Variants in SLC12A6 observed in about 807,000 individuals in gnomAD.
The protein encoded by SLC12A6 is K-Cl cotransporter 3.
Under a neutral mutation model 135.3 loss-of-function variants are expected in SLC12A6, and 66 were observed. The ratio of observed to expected loss-of-function variants is 0.49; its 90% CI spans 0.40 to 0.60. The LOEUF (loss-of-function observed/expected upper bound fraction) is 0.60, where lower values mean the gene tolerates loss of function less well. Ranked by LOEUF, SLC12A6 falls within the 20% of genes least tolerant of loss-of-function variation. The probability of loss-of-function intolerance (pLI) is 0.00; values close to 1 mark genes in which losing one functional copy is unlikely to be tolerated. For synonymous variants in SLC12A6, 513 were observed against 508.8 expected (o/e 1.01, Z -0.11); for missense variants, 1,058 against 1,452.3 (o/e 0.73, Z 4.41).
chr15:34,315,963 AC>A (rs201979476), intron 2 of SLC12A6, among the ~76,000 whole-genome samples: 2 of 152,108 alleles, frequency 1.3e-5, no homozygotes, highest in Non-Finnish European at 2.9e-5. Context: ...AACAAAAAAA[AC>A]AACAATTCAT....
At chr15:34,326,858 CTTTTTTTTTTTTTTTT>C (rs397963192) in intron 2 of SLC12A6, among the ~76,000 whole-genome samples, 14,221 of 72,502 alleles carry the variant, frequency 0.2, 1,098 homozygotes, top group South Asian at 0.33. Context: ...CAACTGGCTG[CTTTTTTTTTTTTTTTT>C]TTTTTTTTTT....
chr15:34,230,072 C>G lies in SLC12A6; in HGVS notation c.*3809G>C. On this transcript the variant is annotated 3_prime_UTR_variant, in exon 26 of 26. Transcript: ENST00000354181. ...CAACAAAAAAACATAACTATGTAAA[C>G]AAGAGAATAACTGCTGCTAAATCAA... is the stretch of plus-strand genomic sequence containing the variant. The G allele has an allele frequency of 2.4e-6, 1 of 418,204 alleles. No individual in the cohort carries two copies. Among genetic ancestry groups the G allele is most frequent in the Non-Finnish European group, 4.2e-6 (1 of 236,456 alleles). 25.9% of individuals were successfully genotyped at this position (418,204 alleles called of 1,614,324 possible). A position where few individuals can be genotyped will look rare whatever the true frequency, so the allele number is the denominator to read the frequency against.
rs376921827 is a variant in SLC12A6, at chr15:34,336,514, C to A, written c.167G>T (p.Arg56Leu). 6.2e-7 allele frequency: 1 copy of A among 1,613,912 alleles called. No individual in the cohort carries two copies. Among genetic ancestry groups the A allele is most frequent in the Non-Finnish European group, 8.5e-7 (1 of 1,179,834 alleles). Residue 56 changes from arginine to leucine, a missense_variant, in exon 2 of 26, where the codon CGG becomes CTG. Coordinates refer to ENST00000354181, the MANE Select transcript of SLC12A6 (RefSeq NM_001365088.1). The stretch of plus-strand genomic sequence containing the variant: ...AGACATCTCACTCATAGGCTCACTC[C>A]GGCTTGTTTCAGGCACGCTTTCCCG... ...SSRESVPETSRSEPMSEMSGA... is the reference protein window; with the variant it reads ...SSRESVPETSLSEPMSEMSGA...
At chr15:34,276,064 T>C (rs1184083067) in intron 2 of SLC12A6, among the ~76,000 whole-genome samples, 1 of 152,130 alleles carries the variant, frequency 6.6e-6, no homozygotes, top group African/African-American at 2.4e-5. Context: ...GTAAATGTAA[T>C]TAATGCCACT....
rs776374992 is a variant in SLC12A6 at position 34,336,440 on chromosome 15, G to A, written c.241C>T (p.Arg81Trp). 1.2e-6 allele frequency: 2 copies of A among 1,613,644 alleles called. No individual in the cohort carries two copies. Among genetic ancestry groups the A allele is most frequent in the Non-Finnish European group, 1.7e-6 (2 of 1,179,696 alleles). The change falls in exon 2 of 26, where the codon CGG (arginine) becomes TGG (tryptophan). Residue 81 changes from arginine (R) to tryptophan (W), a missense_variant. Around this residue, in one of 6 missense-constraint regions of SLC12A6, gnomAD observed 176 missense variants for 168.9 expected, o/e 1.04. Coordinates refer to ENST00000354181, the MANE Select transcript of SLC12A6 (RefSeq NM_001365088.1). ...ATVALDPPSD[R>W]TSHPQDVIED... ...ATGACATCCTGGGGGTGAGAAGTCC[G>A]GTCACTGGGTGGATCCAGTGCAACA...
At chr15:34,292,727 C>T (rs1221985262) in intron 2 of SLC12A6, among the ~76,000 whole-genome samples, 1 of 150,316 alleles carries the variant, frequency 6.7e-6, no homozygotes, top group Non-Finnish European at 1.5e-5. Context: ...ATGGCAGACG[C>T]CCCTTGCCCC....
At chr15:34,238,802 G>T (rs530362031) in intron 20 of SLC12A6, 163 bp downstream of exon 20, 20 of 744,712 alleles carry the variant, frequency 2.7e-5, no homozygotes, top group Non-Finnish European at 4.9e-5. Flanking sequence ...GCTGAAGGGG[G>T]TAGGTAGAAT....
rs79393761 is a variant in SLC12A6, at chr15:34,258,561, C to A, written c.543+252G>T. On this transcript the variant is annotated intron_variant, in intron 5 of 25. Coordinates refer to ENST00000354181, the MANE Select transcript of SLC12A6 (RefSeq NM_001365088.1). ...TCTCTACTCTGCTTAATTTTTTGCTCGGGAATTTATCAACACTTAATATGT... is the reference window on the plus strand; with the variant it reads ...TCTCTACTCTGCTTAATTTTTTGCTAGGGAATTTATCAACACTTAATATGT... Among the ~76,000 whole-genome samples the A allele has an allele frequency of 0.027, 4,160 of 152,248 alleles. 191 individuals are homozygous for A. The highest frequency in any genetic ancestry group is 0.095 in the African/African-American group (3,954 of 41,538).
intron 13 of SLC12A6, among the ~76,000 whole-genome samples, chr15:34,248,402 T>G (rs1378190338): frequency 6.6e-6 from 1 of 152,148 alleles, no homozygotes; most frequent in Non-Finnish European, 1.5e-5. Context: ...AAGCACATGT[T>G]CAACTTTAGG....
chr15:34,318,430 A>C (rs1186672244), intron 2 of SLC12A6: 10 of 783,634 alleles, frequency 1.3e-5, no homozygotes, highest in Middle Eastern at 3.4e-4. Context: ...GAGTGAAATA[A>C]GTAACTGAAA....
At position 34,240,703 on chromosome 15, in the gene SLC12A6, C is replaced by T; in HGVS notation, c.2394G>A (p.Gly798=). 6.2e-7 allele frequency: 1 copy of T among 1,614,012 alleles called. No homozygotes were observed. Among genetic ancestry groups the T allele is most frequent in the Non-Finnish European group, 8.5e-7 (1 of 1,179,904 alleles). Residue 798 remains glycine (G), a synonymous_variant, in exon 19 of 26, where the codon GGG becomes GGA. Transcript: ENST00000354181. The stretch of plus-strand genomic sequence containing the variant: ...CTTCACCGTAGTTCTCTAGGAAGTT[C>T]CCCACGATGACAGAGCCCACAATAG... The part of the protein sequence containing the change: ...GLTIVGSVIV[G]NFLENYGEAL...
intron 13 of SLC12A6, among the ~76,000 whole-genome samples, chr15:34,248,465 A>T (rs1222048133): frequency 4.6e-5 from 7 of 152,016 alleles, no homozygotes; most frequent in Non-Finnish European, 8.8e-5. Context: ...ACTCTCAATA[A>T]TAATTTTTAT....
At chr15:34,274,516 T>C (rs1313008598) in intron 3 of SLC12A6, among the ~76,000 whole-genome samples, 5 of 152,146 alleles carry the variant, frequency 3.3e-5, no homozygotes, top group Admixed American at 3.3e-4. Flanking sequence ...CCTGAGGTCT[T>C]GTGAAATTCC....
rs761173560 is a variant in SLC12A6, at chr15:34,250,997, G to A, written c.1394C>T (p.Ser465Phe). 2.5e-6 allele frequency: 4 copies of A among 1,610,258 alleles called. No homozygotes were observed. The highest frequency in any genetic ancestry group is 3.4e-6 in the Non-Finnish European group (4 of 1,176,580). Residue 465 changes from serine (S) to phenylalanine (F), a missense_variant, in exon 11 of 26, where the codon TCT becomes TTT. This residue lies in a region of SLC12A6 where 297 missense variants were observed against 318.5 expected (regional missense o/e 0.93). Transcript: ENST00000354181. ...GTTTAAGCTGCCTAAGACATCAGAA[G>A]ATTTGGCTGAAGGCTTTTCGATGAT... ...GEIIEKPSAK[S>F]SDVLGSLNHE...
chr15:34,333,451 G>A (rs937187092), intron 2 of SLC12A6, among the ~76,000 whole-genome samples: 76 of 151,770 alleles, frequency 5.0e-4, no homozygotes, highest in African/African-American at 1.7e-3. Context: ...GGCTGGTCTC[G>A]GACTCCTGAG....
At chr15:34,251,116 A>T in intron 10 of SLC12A6, 59 bp from the exon 11 acceptor site, 1 of 1,251,504 alleles carries the variant, frequency 8.0e-7, no homozygotes, top group Non-Finnish European at 1.2e-6. Context: ...AAGATAATTA[A>T]TTTTCTACCC....
At chr15:34,248,769 T>C (rs1703579105) in intron 13 of SLC12A6, among the ~76,000 whole-genome samples, 1 of 151,884 alleles carries the variant, frequency 6.6e-6, no homozygotes, top group Non-Finnish European at 1.5e-5. Context: ...TCAAATGGAG[T>C]TGCTGAACAC....
intron 2 of SLC12A6, among the ~76,000 whole-genome samples, chr15:34,288,334 T>C (rs530640303): frequency 4.2e-4 from 64 of 152,332 alleles, no homozygotes; most frequent in African/African-American, 1.5e-3. Context: ...TCTGTTCCAT[T>C]GGTCTATATA....
At position 34,257,741 on chromosome 15, in the gene SLC12A6, T is replaced by C. The variant is rs1302497588; in HGVS notation, c.591A>G (p.Gln197=). The C allele has an allele frequency of 6.2e-6, 10 of 1,610,432 alleles. No individual in the cohort carries two copies. The highest frequency in any genetic ancestry group is 4.5e-5 in the East Asian group (2 of 44,848). Reference sequence around the variant, plus strand: ...AAAAAAGGATCACTCCAAAAATATTTTGTAGACATGGGAGGTAGACACCCA... The same window carrying C: ...AAAAAAGGATCACTCCAAAAATATTCTGTAGACATGGGAGGTAGACACCCA... ...TFMGVYLPCL[Q]NIFGVILFLR... The change falls in exon 6 of 26, where the codon CAA becomes CAG. Residue 197 remains glutamine (Q), a synonymous_variant. Transcript: ENST00000354181.
Sources: allele counts gnomAD v4.1 joint callset (sites outside exome capture counted in the v4.1 genomes callset), GRCh38; gene constraint gnomAD v4.1.1; regional missense constraint gnomAD v4.1.1; transcripts MANE v1.5; gene names NCBI Gene and HGNC (gene_info 2026-07-23, HGNC 2026-07-21).